TRAPPC12: variants seen among roughly 807,000 people sequenced by gnomAD.
The protein encoded by TRAPPC12 is trafficking protein particle complex subunit 12.
In TRAPPC12, 61 loss-of-function variants were observed where a neutral mutation model predicts 69.2. The observed-to-expected ratio is 0.88, with a 90% confidence interval of 0.72 to 1.09. The LOEUF is 1.09. Among genes scored for constraint, TRAPPC12 ranks in the 50% least tolerant of loss-of-function variants. TRAPPC12 has a pLI of 0.00. For synonymous variants in TRAPPC12, 469 were observed against 438.9 expected (o/e 1.07, Z -0.86); for missense variants, 1,101 against 1,016.4 (o/e 1.08, Z -1.13).
chr2:3,410,792 G>T (rs1261058819), intron 3 of TRAPPC12, among the ~76,000 whole-genome samples: 1 of 152,218 alleles, frequency 6.6e-6, no homozygotes. Context: ...AGCACTTTGG[G>T]AGGACGAGGC....
At chr2:3,382,691 A>G (rs1660272457) in intron 1 of TRAPPC12, among the ~76,000 whole-genome samples, 1 of 152,176 alleles carries the variant, frequency 6.6e-6, no homozygotes, top group Non-Finnish European at 1.5e-5. Context: ...TTGGGAGGCC[A>G]AGGCAGGAGG....
At chr2:3,447,344 C>T (rs1020099116) in intron 6 of TRAPPC12, among the ~76,000 whole-genome samples, 1 of 152,162 alleles carries the variant, frequency 6.6e-6, no homozygotes, top group African/African-American at 2.4e-5. Flanking sequence ...ATGATCCACC[C>T]GCCTTGGCCT....
chr2:3,453,688 G>A (rs12619324), intron 6 of TRAPPC12, among the ~76,000 whole-genome samples: 17,857 of 152,188 alleles, frequency 0.12, 1,072 homozygotes, highest in African/African-American at 0.13. Context: ...AGACCCTGGA[G>A]TCTGCTCCTT....
chr2:3,466,066 A>C (rs909972447), intron 9 of TRAPPC12, among the ~76,000 whole-genome samples: 1 of 152,236 alleles, frequency 6.6e-6, no homozygotes, highest in Non-Finnish European at 1.5e-5. Flanking sequence ...ATAACCCTTG[A>C]ATCATGTTTG....
intron 9 of TRAPPC12, among the ~76,000 whole-genome samples, chr2:3,474,716 A>G (rs1286739934): frequency 6.6e-6 from 1 of 152,196 alleles, no homozygotes; most frequent in Non-Finnish European, 1.5e-5. Flanking sequence ...TTCTGTCTTC[A>G]TATAAGTTAG....
At chr2:3,405,430 G>C (rs994400314) in intron 3 of TRAPPC12, among the ~76,000 whole-genome samples, 1 of 111,688 alleles carries the variant, frequency 9.0e-6, no homozygotes, top group Non-Finnish European at 2.0e-5. Flanking sequence ...CCCACCAAAT[G>C]ACTTAGTATT....
At chr2:3,445,979 A>G (rs769973406) in intron 6 of TRAPPC12, among the ~76,000 whole-genome samples, 1 of 152,206 alleles carries the variant, frequency 6.6e-6, no homozygotes, top group Non-Finnish European at 1.5e-5. Context: ...GGGGCTTCCA[A>G]GCAACAGCAG....
At chr2:3,389,528 C>T (rs1660701382) in intron 2 of TRAPPC12, among the ~76,000 whole-genome samples, 1 of 152,232 alleles carries the variant, frequency 6.6e-6, no homozygotes, top group South Asian at 2.1e-4. Context: ...ACCGCGACCC[C>T]GAAGCCCGAG....
At chr2:3,477,373 C>A (rs1666340320) in intron 9 of TRAPPC12, among the ~76,000 whole-genome samples, 1 of 152,202 alleles carries the variant, frequency 6.6e-6, no homozygotes, top group Non-Finnish European at 1.5e-5. Flanking sequence ...TTTTATGTTT[C>A]ATCTTATTAG....
chr2:3,457,965 G>GCTGAGTGGT, intron 7 of TRAPPC12: 1 of 1,336,370 alleles, frequency 7.5e-7, no homozygotes, highest in Non-Finnish European at 9.6e-7. Context: ...AACCTGCCAC[G>GCTGAGTGGT]CTGAGTGGTC....
chr2:3,394,227 C>CCTAG (rs1660987758), intron 2 of TRAPPC12, among the ~76,000 whole-genome samples: 1 of 152,144 alleles, frequency 6.6e-6, no homozygotes, highest in African/African-American at 2.4e-5. Flanking sequence ...CATCCCACTA[C>CCTAG]CTAGGGTTTA....
intron 9 of TRAPPC12, among the ~76,000 whole-genome samples, chr2:3,469,313 G>A (rs1279007283): frequency 1.3e-5 from 2 of 152,208 alleles, no homozygotes; most frequent in Non-Finnish European, 2.9e-5. Context: ...TGCACTGTCA[G>A]CACCTGTGTG....
At chr2:3,426,463 C>T (rs1663107338) in intron 5 of TRAPPC12, among the ~76,000 whole-genome samples, 1 of 152,220 alleles carries the variant, frequency 6.6e-6, no homozygotes, top group South Asian at 2.1e-4. Flanking sequence ...TTCCACATGA[C>T]CAGGAGGAAC....
At chr2:3,411,551 A>G (rs1490946143) in intron 3 of TRAPPC12, among the ~76,000 whole-genome samples, 1 of 152,250 alleles carries the variant, frequency 6.6e-6, no homozygotes. Flanking sequence ...TATACTATAC[A>G]TAGTGTGCAT....
At chr2:3,430,033 A>G (rs1409581798) in intron 5 of TRAPPC12, among the ~76,000 whole-genome samples, 1 of 152,212 alleles carries the variant, frequency 6.6e-6, no homozygotes, top group African/African-American at 2.4e-5. Flanking sequence ...ATATACATAC[A>G]CACAGAGAAA....
At chr2:3,409,959 G>A (rs905595923) in intron 3 of TRAPPC12, among the ~76,000 whole-genome samples, 5 of 152,064 alleles carry the variant, frequency 3.3e-5, no homozygotes, top group Non-Finnish European at 5.9e-5. Flanking sequence ...TCCCCACTCC[G>A]TGTCCCCCAG....
At chr2:3,383,668 GTGCTGGGATTACAGGCGTGA>G (rs1157932419) in intron 1 of TRAPPC12, among the ~76,000 whole-genome samples, 1 of 151,874 alleles carries the variant, frequency 6.6e-6, no homozygotes, top group East Asian at 1.9e-4. Context: ...GCCTCCGAAA[GTGCTGGGATTACAGGCGTGA>G]GCCACCGCAC....
At chr2:3,443,284 T>C (rs768000176) in intron 5 of TRAPPC12, among the ~76,000 whole-genome samples, 10 of 152,262 alleles carry the variant, frequency 6.6e-5, no homozygotes, top group Non-Finnish European at 1.2e-4. Context: ...GAGACGCACC[T>C]GTGCTCAGTT....
chr2:3,409,043 C>T (rs1661889611), intron 3 of TRAPPC12, among the ~76,000 whole-genome samples: 1 of 152,226 alleles, frequency 6.6e-6, no homozygotes, highest in African/African-American at 2.4e-5. Flanking sequence ...GATCCTCTTC[C>T]TGAGGCTGCC....
Sources: allele counts gnomAD v4.1 joint callset (sites outside exome capture counted in the v4.1 genomes callset), GRCh38; gene constraint gnomAD v4.1.1; transcripts MANE v1.5; gene names NCBI Gene and HGNC (gene_info 2026-07-23, HGNC 2026-07-21).